IPO9: variants seen among roughly 807,000 people sequenced by gnomAD.
IPO9 encodes the protein importin 9, also known as importin-9.
Under a neutral mutation model 128.6 loss-of-function variants are expected in IPO9, and 28 were observed. The observed-to-expected ratio is 0.22, with a 90% CI of 0.16 to 0.30. The LOEUF (loss-of-function observed/expected upper bound fraction) is 0.30. IPO9 is among the 10% of genes least tolerant of loss of function. IPO9 has a pLI of 1.00. For missense variants in IPO9, 935 were observed against 1,293.9 expected (o/e 0.72, Z 4.26); for synonymous variants, 455 against 475.8 (o/e 0.96, Z 0.57).
chr1:201,875,402 C>T (rs1680743165), intron 23 of IPO9, among the ~76,000 whole-genome samples, 174 bp downstream of exon 23: 1 of 152,100 alleles, frequency 6.6e-6, no homozygotes, highest in Non-Finnish European at 1.5e-5. Context: ...CCAGTCTGAG[C>T]AATGCAGGGA....
intron 10 of IPO9, 73 bp downstream of exon 10, chr1:201,856,007 C>G (rs1680322704): frequency 9.3e-7 from 1 of 1,075,366 alleles, no homozygotes; most frequent in Non-Finnish European, 1.3e-6. Context: ...AGGTCTTGGT[C>G]AGGTGAACAC....
chr1:201,839,348 C>A (rs944430064), intron 1 of IPO9, among the ~76,000 whole-genome samples: 1 of 151,986 alleles, frequency 6.6e-6, no homozygotes, highest in Non-Finnish European at 1.5e-5. Flanking sequence ...TCCCAAGTAG[C>A]TGGGACTTCA....
At chr1:201,829,445 G>A (rs1181529804) in intron 1 of IPO9, 73 bp downstream of exon 1, 9 of 1,406,310 alleles carry the variant, frequency 6.4e-6, no homozygotes, top group Non-Finnish European at 8.4e-6. Flanking sequence ...TACCGGCTGG[G>A]GACATGGGGA....
intron 23 of IPO9, 68 bp from the exon 24 acceptor site, chr1:201,875,876 G>T (rs1167440697): frequency 2.1e-6 from 2 of 953,232 alleles, no homozygotes; most frequent in Non-Finnish European, 3.4e-6. Context: ...TTTGATTGTG[G>T]TTCTTGCTCC....
chr1:201,843,122 C>T lies in IPO9; in HGVS notation c.164-4157C>T, dbSNP rs544560837. ...ATACTAGTCTAGCAAGTACCTCTTCCTCAGTGCACCCCCTTCAGATAGGGT... is the reference window on the plus strand; with the variant it reads ...ATACTAGTCTAGCAAGTACCTCTTCTTCAGTGCACCCCCTTCAGATAGGGT... On this transcript the variant is annotated intron_variant, in intron 1 of 23. Transcript: ENST00000361565. Among the ~76,000 whole-genome samples, 10 of 152,316 alleles carry T rather than the reference C, an allele frequency of 6.6e-5. No individual in the cohort carries two copies. In the South Asian group the frequency reaches 2.1e-3, roughly 32 times the overall value.
At chr1:201,839,784 T>C (rs984655908) in intron 1 of IPO9, among the ~76,000 whole-genome samples, 69 of 151,938 alleles carry the variant, frequency 4.5e-4, no homozygotes, top group African/African-American at 1.7e-3. Flanking sequence ...CCAGAGACAA[T>C]AAAAGAAAAT....
chr1:201,867,010 G>A (rs770564278), intron 15 of IPO9, 51 bp downstream of exon 15: 7 of 1,440,312 alleles, frequency 4.9e-6, no homozygotes, highest in Non-Finnish European at 6.8e-6. Context: ...AAAAGGTGGT[G>A]GCTGGTGAAT....
At chr1:201,863,416 TC>T in intron 13 of IPO9, 31 bp from the exon 14 acceptor site, 1 of 1,518,084 alleles carries the variant, frequency 6.6e-7, no homozygotes, top group Non-Finnish European at 8.9e-7. Context: ...ATTTTCATTT[TC>T]CAGCCCCTAA....
intron 19 of IPO9, 27 bp from the exon 20 acceptor site, chr1:201,872,801 G>T (rs774139899): frequency 1.3e-6 from 2 of 1,596,768 alleles, no homozygotes; most frequent in Admixed American, 1.7e-5. Flanking sequence ...GCGGCTGATT[G>T]ACCTTTTTTT....
chr1:201,848,313 A>G (rs1407429230), intron 3 of IPO9, 80 bp from the exon 4 acceptor site: 3 of 1,242,496 alleles, frequency 2.4e-6, no homozygotes, highest in Non-Finnish European at 1.2e-6. Flanking sequence ...TTGTTTTTCC[A>G]ACACAGTTCC....
chr1:201,830,681 C>T (rs893745067), intron 1 of IPO9, among the ~76,000 whole-genome samples: 2 of 152,134 alleles, frequency 1.3e-5, no homozygotes, highest in East Asian at 3.8e-4. Flanking sequence ...AATGTCTGTC[C>T]CCCTTGAGTA....
chr1:201,871,108 C>G, intron 18 of IPO9, 53 bp from the exon 19 acceptor site: 2 of 1,569,358 alleles, frequency 1.3e-6, no homozygotes, highest in South Asian at 1.1e-5. Flanking sequence ...CCTCTCATCT[C>G]CTATGTCTCT....
chr1:201,854,509 C>T (rs1680292136), intron 6 of IPO9, 86 bp from the exon 7 acceptor site: 2 of 1,515,950 alleles, frequency 1.3e-6, no homozygotes, highest in Non-Finnish European at 9.0e-7. Flanking sequence ...GCTTTAGGTG[C>T]CTTTCAAATA....
Position 201,829,169 on chromosome 1 carries a change from C to T in IPO9, c.-41C>T, listed in dbSNP as rs751704245. ...GCGCGCGGGGGCCGTCATTCGGTGGCGGGTCCCGGCCGCGGGGCTGGCGGG... is the reference window on the plus strand; with the variant it reads ...GCGCGCGGGGGCCGTCATTCGGTGGTGGGTCCCGGCCGCGGGGCTGGCGGG... On this transcript the variant is annotated 5_prime_UTR_variant, in exon 1 of 24. Transcript: ENST00000361565. 1 of 1,432,404 alleles carries T rather than the reference C, an allele frequency of 7.0e-7. No homozygotes were observed. Among genetic ancestry groups the T allele is most frequent in the Non-Finnish European group, 9.1e-7 (1 of 1,094,764 alleles). The allele number at this position is 1,432,404 out of a possible 1,614,324, so 88.7% of individuals were successfully genotyped here.
intron 1 of IPO9, among the ~76,000 whole-genome samples, chr1:201,838,571 T>C (rs1339082779): frequency 6.6e-6 from 1 of 152,200 alleles, no homozygotes; most frequent in Non-Finnish European, 1.5e-5. Flanking sequence ...TGTAGGGGGA[T>C]TGTGCAAGTT....
chr1:201,830,159 C>T (rs1216959089), intron 1 of IPO9, among the ~76,000 whole-genome samples: 1 of 152,150 alleles, frequency 6.6e-6, no homozygotes, highest in African/African-American at 2.4e-5. Flanking sequence ...GTGTAGCTAC[C>T]ACAAAGAACA....
At chr1:201,874,800 T>C (rs774914720) in intron 21 of IPO9, 32 bp from the exon 22 acceptor site, 1 of 1,446,084 alleles carries the variant, frequency 6.9e-7, no homozygotes, top group Non-Finnish European at 9.7e-7. Flanking sequence ...ATGAATGTGC[T>C]CTAGCTCTAG....
intron 1 of IPO9, among the ~76,000 whole-genome samples, chr1:201,830,317 G>A (rs1679809801): frequency 6.6e-6 from 1 of 152,156 alleles, no homozygotes; most frequent in Non-Finnish European, 1.5e-5. Flanking sequence ...AGAGATATGG[G>A]AAATTGTCCC....
chr1:201,868,239 C>T (rs1402002076), intron 15 of IPO9, among the ~76,000 whole-genome samples: 10 of 151,310 alleles, frequency 6.6e-5, no homozygotes. Context: ...TATGATTTCT[C>T]TCATGCATCA....
Sources: gnomAD v4.1 joint callset for allele counts (sites outside exome capture counted in the v4.1 genomes callset) on GRCh38, gnomAD v4.1.1 for gene constraint, MANE v1.5 for transcripts, NCBI Gene and HGNC (gene_info 2026-07-23, HGNC 2026-07-21) for gene names.